NBEA: variants seen among roughly 807,000 people sequenced by gnomAD.
The protein encoded by NBEA is lysosomal-trafficking regulator 2.
In NBEA, 44 loss-of-function variants were observed where a neutral mutation model predicts 343.4. The observed-to-expected ratio is 0.13, with a 90% CI of 0.10 to 0.16. The LOEUF (loss-of-function observed/expected upper bound fraction) is 0.16. Among genes scored for constraint, NBEA ranks in the 10% least tolerant of loss-of-function variants. The pLI, the probability that NBEA is intolerant of heterozygous loss-of-function variation, is 1.00. For synonymous variants in NBEA, 1,175 were observed against 1,238.7 expected (o/e 0.95, Z 1.08); for missense variants, 2,555 against 3,631.3 (o/e 0.70, Z 7.62).
At chr13:35,041,453 T>C (rs1177243766) in intron 2 of NBEA, among the ~76,000 whole-genome samples, 1 of 152,048 alleles carries the variant, frequency 6.6e-6, no homozygotes, top group African/African-American at 2.4e-5. Flanking sequence ...AACATTATTT[T>C]TATGTAGTAT....
intron 18 of NBEA, among the ~76,000 whole-genome samples, chr13:35,150,793 T>TTAGAGTAGAGTAGAG (rs71078083): frequency 0.086 from 12,775 of 148,250 alleles, 1,048 homozygotes; most frequent in African/African-American, 0.2. Context: ...TAATGATATT[T>TTAGAGTAGAGTAGAG]TAGAGTAGAG....
At chr13:35,036,130 A>T (rs2062433705) in intron 1 of NBEA, among the ~76,000 whole-genome samples, 1 of 151,584 alleles carries the variant, frequency 6.6e-6, no homozygotes, top group Non-Finnish European at 1.5e-5. Flanking sequence ...CTGGTGATTT[A>T]GTTTCTTGAT....
intron 1 of NBEA, among the ~76,000 whole-genome samples, chr13:34,996,486 A>G (rs916450141): frequency 1.3e-4 from 19 of 151,640 alleles, no homozygotes; most frequent in African/African-American, 2.4e-4. Flanking sequence ...GTGTGTATAT[A>G]TATAATTGTC....
chr13:35,234,594 A>G (rs1223266210), intron 34 of NBEA, among the ~76,000 whole-genome samples: 10 of 152,220 alleles, frequency 6.6e-5, no homozygotes, highest in Middle Eastern at 3.2e-3. Context: ...CCTACTGACC[A>G]CTTGCAGGGC....
At chr13:35,010,429 A>G (rs2152532522) in intron 1 of NBEA, among the ~76,000 whole-genome samples, 1 of 151,696 alleles carries the variant, frequency 6.6e-6, no homozygotes, top group East Asian at 2.0e-4. Flanking sequence ...AGCGAAACAA[A>G]TATTAGCCAG....
intron 1 of NBEA, among the ~76,000 whole-genome samples, chr13:34,959,010 C>T (rs1157507718): frequency 2.0e-5 from 3 of 152,006 alleles, no homozygotes; most frequent in Non-Finnish European, 4.4e-5. Context: ...TTTTTTCCTT[C>T]CTGCAAATTG....
intron 1 of NBEA, among the ~76,000 whole-genome samples, chr13:35,005,859 G>A (rs1465469257): frequency 6.6e-6 from 1 of 152,040 alleles, no homozygotes; most frequent in Non-Finnish European, 1.5e-5. Flanking sequence ...ATTATTTTAG[G>A]CTTCCCTTTT....
intron 13 of NBEA, among the ~76,000 whole-genome samples, chr13:35,114,912 A>G (rs1215796832): frequency 6.6e-6 from 1 of 152,188 alleles, no homozygotes; most frequent in Non-Finnish European, 1.5e-5. Flanking sequence ...GCTTTCTTTT[A>G]AGGACACTCT....
At chr13:35,447,453 A>G (rs2046103883) in intron 39 of NBEA, among the ~76,000 whole-genome samples, 1 of 151,890 alleles carries the variant, frequency 6.6e-6, no homozygotes, top group Non-Finnish European at 1.5e-5. Context: ...CTGCAATGCA[A>G]TATTCTGTAT....
intron 39 of NBEA, among the ~76,000 whole-genome samples, chr13:35,448,007 A>G (rs2152942356): frequency 6.6e-6 from 1 of 152,280 alleles, no homozygotes; most frequent in Non-Finnish European, 1.5e-5. Context: ...ATTGAAAAGC[A>G]CCTTTAGATC....
intron 39 of NBEA, among the ~76,000 whole-genome samples, chr13:35,448,429 C>G (rs2046149231): frequency 6.6e-6 from 1 of 152,074 alleles, no homozygotes; most frequent in South Asian, 2.1e-4. Context: ...CATATATTCT[C>G]CGGCTTGCCC....
rs917974211 is a variant in NBEA at position 35,584,241 on chromosome 13, T to C, written c.7176+203T>C. 5.9e-5 allele frequency among the ~76,000 whole-genome samples: 9 copies of C among 152,130 alleles called. No individual in the cohort carries two copies. The East Asian group carries it at 1.7e-3, about 29-fold the overall frequency. On this transcript the variant is annotated intron_variant, in intron 46 of 58. Transcript: ENST00000379939. ...CAAAATTGGATTAGGAAGATAGTTATCTGTTGCTAGGTATTATGAGCTTAA... is the reference window on the plus strand; with the variant it reads ...CAAAATTGGATTAGGAAGATAGTTACCTGTTGCTAGGTATTATGAGCTTAA...
chr13:35,546,219 G>C (rs1327766126), intron 41 of NBEA, among the ~76,000 whole-genome samples: 2 of 152,136 alleles, frequency 1.3e-5, no homozygotes, highest in African/African-American at 4.8e-5. Flanking sequence ...ATTAAACAGT[G>C]ATAAGATAGG....
intron 47 of NBEA, among the ~76,000 whole-genome samples, chr13:35,604,106 T>A (rs2082179992): frequency 1.3e-5 from 2 of 152,174 alleles, no homozygotes; most frequent in South Asian, 4.1e-4. Context: ...ACTGTCATGT[T>A]TGCCCAGCCT....
intron 8 of NBEA, among the ~76,000 whole-genome samples, chr13:35,059,736 T>C (rs1314698917): frequency 2.8e-5 from 4 of 141,012 alleles, no homozygotes; most frequent in African/African-American, 1.0e-4. Flanking sequence ...TATTTCTCTT[T>C]GTATGTCATA....
At chr13:35,595,100 C>T (rs755182535) in intron 47 of NBEA, among the ~76,000 whole-genome samples, 31 of 152,122 alleles carry the variant, frequency 2.0e-4, no homozygotes, top group Non-Finnish European at 3.7e-4. Context: ...GAGAATTTCA[C>T]TGATGCTTTA....
intron 10 of NBEA, among the ~76,000 whole-genome samples, chr13:35,093,388 A>T (rs1331193090): frequency 6.6e-6 from 1 of 151,904 alleles, no homozygotes; most frequent in Admixed American, 6.6e-5. Context: ...AGAATAGAAA[A>T]TTCCTGACCT....
At chr13:35,528,499 G>C (rs919501148) in intron 41 of NBEA, among the ~76,000 whole-genome samples, 1 of 152,128 alleles carries the variant, frequency 6.6e-6, no homozygotes, top group African/African-American at 2.4e-5. Context: ...TTACTGTATT[G>C]GGAATAAGGT....
At chr13:35,181,072 A>G (rs891026687) in intron 28 of NBEA, among the ~76,000 whole-genome samples, 2 of 151,874 alleles carry the variant, frequency 1.3e-5, no homozygotes, top group African/African-American at 4.8e-5. Context: ...CCACTCATTG[A>G]TTGATGGGCA....
Sources: gnomAD v4.1 joint callset for allele counts (sites outside exome capture counted in the v4.1 genomes callset) on GRCh38, gnomAD v4.1.1 for gene constraint, MANE v1.5 for transcripts, NCBI Gene and HGNC (gene_info 2026-07-23, HGNC 2026-07-21) for gene names.